Variants in RAPGEF2 observed in about 807,000 individuals in gnomAD.
RAPGEF2 encodes PDZ domain containing guanine nucleotide exchange factor (GEF) 1.
A neutral mutation model predicts 186.7 loss-of-function variants in RAPGEF2; 54 were observed. That is an observed-to-expected ratio of 0.29 (90% confidence interval 0.23 to 0.36). The LOEUF is 0.36. Among genes scored for constraint, RAPGEF2 ranks in the 10% least tolerant of loss-of-function variants. RAPGEF2 has a pLI of 1.00. For synonymous variants in RAPGEF2, 712 were observed against 705.9 expected, an observed-to-expected ratio of 1.01 and a Z score of -0.14; for missense variants, 1,532 against 2,045.0, an observed-to-expected ratio of 0.75 and a Z score of 4.84.
At chr4:159,330,860 C>T (rs921352905) in intron 13 of RAPGEF2, among the ~76,000 whole-genome samples, 12 of 152,116 alleles carry the variant, frequency 7.9e-5, no homozygotes, top group Non-Finnish European at 7.4e-5. Context: ...ATAAAAGTTA[C>T]AGTTTTTAAA....
intron 1 of RAPGEF2, among the ~76,000 whole-genome samples, chr4:159,124,676 A>T (rs1460723724): frequency 6.6e-6 from 1 of 152,246 alleles, no homozygotes; most frequent in Non-Finnish European, 1.5e-5. Context: ...AAAACAGCTA[A>T]GACAAAGCTC....
chr4:159,200,766 T>C (rs1223866021), intron 3 of RAPGEF2, among the ~76,000 whole-genome samples: 1 of 152,152 alleles, frequency 6.6e-6, no homozygotes, highest in East Asian at 1.9e-4. Context: ...AATGGTGTTT[T>C]CTTTCTTCAG....
intron 10 of RAPGEF2, among the ~76,000 whole-genome samples, chr4:159,323,185 A>C (rs1484934244): frequency 6.6e-6 from 1 of 152,210 alleles, no homozygotes; most frequent in Non-Finnish European, 1.5e-5. Flanking sequence ...GGGGACAGAG[A>C]AATTTTTTTC....
At position 159,193,283 on chromosome 4, in the gene RAPGEF2, A is replaced by G. The variant is rs144557206; in HGVS notation, c.197+27A>G. The G allele has an allele frequency of 3.2e-3, 4,540 of 1,411,404 alleles. 72 individuals carry two copies. In the African/African-American group the frequency reaches 0.034, roughly 11 times the overall value. The allele number at this position is 1,411,404 out of a possible 1,614,324, so 87.4% of individuals were successfully genotyped here. A position where few individuals can be genotyped will look rare whatever the true frequency, so the allele number is the denominator to read the frequency against. Reference sequence around the variant, plus strand: ...TAGGTGTTTCCTTTTTGTTTGTACAATGTATCTAATCCAGTGACTAAATTT... The same window carrying G: ...TAGGTGTTTCCTTTTTGTTTGTACAGTGTATCTAATCCAGTGACTAAATTT... On this transcript the variant is annotated intron_variant, in intron 3 of 29. Transcript: ENST00000691494.
chr4:159,194,015 C>T (rs1260169978), intron 3 of RAPGEF2, among the ~76,000 whole-genome samples: 1 of 152,040 alleles, frequency 6.6e-6, no homozygotes, highest in Non-Finnish European at 1.5e-5. Flanking sequence ...ACAAACAAAG[C>T]AAAATAATTG....
chr4:159,301,963 T>C (rs1382206100), intron 7 of RAPGEF2, among the ~76,000 whole-genome samples: 2 of 152,234 alleles, frequency 1.3e-5, no homozygotes, highest in African/African-American at 4.8e-5. Flanking sequence ...GTCTTACTTA[T>C]CTTGATACTC....
chr4:159,346,670 T>A, intron 24 of RAPGEF2, 119 bp from the exon 25 acceptor site: 2 of 816,566 alleles, frequency 2.4e-6, no homozygotes, highest in African/African-American at 1.7e-5. Flanking sequence ...GGAAGAAAGG[T>A]GTGCATTAAT....
At chr4:159,354,427 A>G (rs1025320722) in intron 28 of RAPGEF2, among the ~76,000 whole-genome samples, 3 of 152,206 alleles carry the variant, frequency 2.0e-5, no homozygotes, top group East Asian at 3.9e-4. Flanking sequence ...TGATTCTTCT[A>G]TTTTGTTCTC....
At chr4:159,232,105 T>A (rs543240752) in intron 4 of RAPGEF2, among the ~76,000 whole-genome samples, 18 of 152,336 alleles carry the variant, frequency 1.2e-4, no homozygotes, top group South Asian at 2.1e-4. Context: ...AAGCTTTTTT[T>A]AATTGTAGTA....
intron 3 of RAPGEF2, among the ~76,000 whole-genome samples, chr4:159,195,135 A>G (rs1450357372): frequency 6.6e-6 from 1 of 152,234 alleles, no homozygotes; most frequent in Non-Finnish European, 1.5e-5. Context: ...AAGAACCTAC[A>G]CCAAATATAG....
chr4:159,185,626 A>G (rs1284301170), intron 1 of RAPGEF2, among the ~76,000 whole-genome samples: 1 of 152,208 alleles, frequency 6.6e-6, no homozygotes, highest in Non-Finnish European at 1.5e-5. Context: ...GCAAACTCAT[A>G]GAAACAGAAA....
At chr4:159,167,271 A>G (rs1745426534) in intron 1 of RAPGEF2, among the ~76,000 whole-genome samples, 1 of 152,182 alleles carries the variant, frequency 6.6e-6, no homozygotes. Context: ...TTTTGGGGGA[A>G]ATTTAGTGTG....
intron 4 of RAPGEF2, among the ~76,000 whole-genome samples, chr4:159,225,445 T>C (rs1027502070): frequency 5.9e-5 from 9 of 152,224 alleles, no homozygotes; most frequent in African/African-American, 1.9e-4. Context: ...CTACGAATAT[T>C]CACGAATGTC....
intron 1 of RAPGEF2, among the ~76,000 whole-genome samples, chr4:159,134,275 A>T (rs1741452132): frequency 6.6e-6 from 1 of 152,180 alleles, no homozygotes; most frequent in Non-Finnish European, 1.5e-5. Context: ...ACTAAGCACA[A>T]GCTTTTGAGA....
At chr4:159,243,344 T>A (rs1244630678) in intron 6 of RAPGEF2, among the ~76,000 whole-genome samples, 2 of 151,932 alleles carry the variant, frequency 1.3e-5, no homozygotes. Context: ...TATAATTTAT[T>A]ATTTATTTTA....
intron 8 of RAPGEF2, 145 bp from the exon 9 acceptor site, chr4:159,314,446 A>G (rs866375718): frequency 7.0e-6 from 5 of 713,028 alleles, no homozygotes; most frequent in African/African-American, 1.8e-5. Context: ...TAATTGTTAC[A>G]TGTAGTTTCT....
At chr4:159,339,849 T>C (rs1235182397) in intron 19 of RAPGEF2, among the ~76,000 whole-genome samples, 1 of 152,244 alleles carries the variant, frequency 6.6e-6, no homozygotes, top group African/African-American at 2.4e-5. Context: ...TGGCCACTTC[T>C]GCCTGTTATT....
chr4:159,276,814 A>G (rs1201348085), intron 7 of RAPGEF2, among the ~76,000 whole-genome samples: 1 of 151,818 alleles, frequency 6.6e-6, no homozygotes, highest in African/African-American at 2.4e-5. Flanking sequence ...TCCTCACAAA[A>G]GTTCATTAGT....
intron 17 of RAPGEF2, 145 bp downstream of exon 17, chr4:159,332,842 T>C (rs1766874129): frequency 1.0e-6 from 1 of 976,152 alleles, no homozygotes; most frequent in Admixed American, 3.3e-5. Flanking sequence ...TATTAAACAA[T>C]CAAATTTGTT....
Sources: gnomAD v4.1 joint callset for allele counts (sites outside exome capture counted in the v4.1 genomes callset) on GRCh38, gnomAD v4.1.1 for gene constraint, MANE v1.5 for transcripts, NCBI Gene and HGNC (gene_info 2026-07-23, HGNC 2026-07-21) for gene names.